Variants in PLEKHA5 observed in about 807,000 individuals in gnomAD.
The protein encoded by PLEKHA5 is pleckstrin homology domain-containing family A member 5.
Under a neutral mutation model 181.9 loss-of-function variants are expected in PLEKHA5, and 55 were observed. The observed-to-expected ratio is 0.30, with a 90% CI of 0.24 to 0.38. PLEKHA5 has a LOEUF of 0.38. Ranked by LOEUF, PLEKHA5 falls within the 10% of genes least tolerant of loss-of-function variation. The probability of loss-of-function intolerance (pLI) is 1.00; values close to 1 mark genes in which losing one functional copy is unlikely to be tolerated. For missense variants in PLEKHA5, 1,432 were observed against 1,549.5 expected, an observed-to-expected ratio of 0.92 and a Z score of 1.27; for synonymous variants, 535 against 529.4, an observed-to-expected ratio of 1.01 and a Z score of -0.15.
Position 19,291,781 on chromosome 12 carries a change from T to C in PLEKHA5, c.2037+84T>C. 3.0e-6 allele frequency: 2 copies of C among 677,140 alleles called. 1 individual carries two copies. The highest frequency in any genetic ancestry group is 3.9e-5 in the South Asian group (2 of 51,274). 41.9% of individuals were successfully genotyped at this position (677,140 alleles called of 1,614,324 possible). Reference sequence around the variant, plus strand: ...ACAGTTTTTCAGGCTTCTCAGCTATTTCAGTCACGTTGAATTAATAACATG... The same window carrying C: ...ACAGTTTTTCAGGCTTCTCAGCTATCTCAGTCACGTTGAATTAATAACATG... On this transcript the variant is annotated intron_variant, in intron 15 of 31. Coordinates refer to ENST00000429027, the MANE Select transcript of PLEKHA5 (RefSeq NM_001256470.2).
intron 3 of PLEKHA5, among the ~76,000 whole-genome samples, chr12:19,216,046 G>A (rs1418494724): frequency 6.6e-6 from 1 of 152,180 alleles, no homozygotes; most frequent in Non-Finnish European, 1.5e-5. Context: ...TAACATTGCT[G>A]TAATTGAACT....
At chr12:19,213,000 C>T (rs1322858291) in intron 3 of PLEKHA5, among the ~76,000 whole-genome samples, 1 of 151,850 alleles carries the variant, frequency 6.6e-6, no homozygotes, top group Non-Finnish European at 1.5e-5. Context: ...CAGACAACTC[C>T]TAATCTACCA....
Position 19,134,668 on chromosome 12 carries a change from T to G in PLEKHA5, c.227+2218T>G, listed in dbSNP as rs141814697. 3.9e-5 allele frequency among the ~76,000 whole-genome samples: 6 copies of G among 152,286 alleles called. No individual in the cohort carries two copies. In the East Asian group the frequency reaches 1.2e-3, roughly 29 times the overall value. On this transcript the variant is annotated intron_variant, in intron 3 of 31. Transcript: ENST00000429027. ...TATCATTCTAATAGGATAGGGGCAC[T>G]ACTTTTATCTTAAACTTTACAATTT...
At chr12:19,220,824 A>G (rs938216300) in intron 3 of PLEKHA5, among the ~76,000 whole-genome samples, 1 of 152,238 alleles carries the variant, frequency 6.6e-6, no homozygotes, top group Non-Finnish European at 1.5e-5. Flanking sequence ...GAAAACAGAC[A>G]ACCCAATTAA....
At chr12:19,266,350 G>A (rs1027611353) in intron 8 of PLEKHA5, among the ~76,000 whole-genome samples, 3 of 151,762 alleles carry the variant, frequency 2.0e-5, no homozygotes, top group East Asian at 3.9e-4. Flanking sequence ...CATACTAGCC[G>A]GGCATGGTGG....
At chr12:19,194,983 C>T (rs543129130) in intron 3 of PLEKHA5, among the ~76,000 whole-genome samples, 18 of 152,138 alleles carry the variant, frequency 1.2e-4, no homozygotes, top group Admixed American at 5.9e-4. Flanking sequence ...AAATAGCTAC[C>T]GTCTATTGGG....
At position 19,348,416 on chromosome 12, in the gene PLEKHA5, C is replaced by T. The variant is rs781225526; in HGVS notation, c.2916C>T (p.Leu972=). The T allele has an allele frequency of 3.2e-6, 5 of 1,586,592 alleles. No individual in the cohort carries two copies. The African/African-American group carries it at 6.8e-5, about 22-fold the overall frequency. The change falls in exon 25 of 32, where the codon CTC becomes CTT. Residue 972 remains leucine (L), a synonymous_variant. Coordinates refer to ENST00000429027, the MANE Select transcript of PLEKHA5 (RefSeq NM_001256470.2). The stretch of plus-strand genomic sequence containing the variant: ...CTTTCAAGGGTCCAGATTATAGACT[C>T]TACAAGAGTGAACCAGAGTTAACAA... ...NGSHCGPDYR[L]YKSEPELTTV... is the part of the protein sequence containing the mutation.
At chr12:19,208,773 G>A (rs1311739697) in intron 3 of PLEKHA5, among the ~76,000 whole-genome samples, 7 of 152,072 alleles carry the variant, frequency 4.6e-5, no homozygotes, top group Non-Finnish European at 1.0e-4. Flanking sequence ...GCCTGAGATG[G>A]GCTAGTTGCT....
intron 3 of PLEKHA5, chr12:19,151,843 AT>A (rs1268528723): frequency 1.4e-5 from 2 of 144,992 alleles, no homozygotes; most frequent in Non-Finnish European, 3.0e-5. Context: ...TCAGGTTAGC[AT>A]TTTCTATTTT....
intron 16 of PLEKHA5, among the ~76,000 whole-genome samples, chr12:19,317,418 C>CATAGTTTTT (rs1207259909): frequency 6.6e-6 from 1 of 150,884 alleles, no homozygotes; most frequent in African/African-American, 2.4e-5. Context: ...ATTTTAGGAC[C>CATAGTTTTT]ATAGTTTTTA....
intron 28 of PLEKHA5, among the ~76,000 whole-genome samples, chr12:19,361,082 T>C (rs2095220422): frequency 6.6e-6 from 1 of 151,688 alleles, no homozygotes; most frequent in Non-Finnish European, 1.5e-5. Flanking sequence ...CAAATAACTT[T>C]TTGCATCCTA....
chr12:19,252,082 T>C (rs2065477779), intron 3 of PLEKHA5, among the ~76,000 whole-genome samples: 1 of 152,220 alleles, frequency 6.6e-6, no homozygotes, highest in Non-Finnish European at 1.5e-5. Context: ...TTAATGATTC[T>C]ACTCTTACAA....
At chr12:19,281,867 G>C (rs967806929) in intron 11 of PLEKHA5, among the ~76,000 whole-genome samples, 2 of 151,706 alleles carry the variant, frequency 1.3e-5, no homozygotes, top group African/African-American at 4.8e-5. Flanking sequence ...CTGCAAGCTC[G>C]GCTTCCTGGG....
At chr12:19,354,374 C>T (rs1223045567) in intron 26 of PLEKHA5, among the ~76,000 whole-genome samples, 10 of 145,802 alleles carry the variant, frequency 6.9e-5, no homozygotes, top group Admixed American at 1.4e-4. Flanking sequence ...AGGATGGTCT[C>T]GATCTCCTGA....
chr12:19,330,581 T>A (rs1359652455), intron 20 of PLEKHA5, among the ~76,000 whole-genome samples: 6 of 141,464 alleles, frequency 4.2e-5, no homozygotes, highest in Non-Finnish European at 6.4e-5. Context: ...TAAAAAAAAA[T>A]TATTTTTTAA....
intron 3 of PLEKHA5, among the ~76,000 whole-genome samples, chr12:19,164,986 G>A (rs2043957489): frequency 6.6e-6 from 1 of 151,856 alleles, no homozygotes; most frequent in South Asian, 2.1e-4. Flanking sequence ...TCTCCTCAAA[G>A]CAAGCAACCA....
intron 3 of PLEKHA5, among the ~76,000 whole-genome samples, chr12:19,197,404 T>C (rs2053076667): frequency 6.6e-6 from 1 of 152,204 alleles, no homozygotes; most frequent in Non-Finnish European, 1.5e-5. Flanking sequence ...GCCTGTCTTT[T>C]TGTTCCCTTT....
chr12:19,343,977 G>A (rs923135223), intron 22 of PLEKHA5, among the ~76,000 whole-genome samples: 16 of 151,984 alleles, frequency 1.1e-4, no homozygotes, highest in Admixed American at 2.0e-4. Context: ...GCTTGAACCC[G>A]GGAGGTGGAG....
intron 6 of PLEKHA5, among the ~76,000 whole-genome samples, chr12:19,258,561 CTT>C (rs71440398): frequency 1.1e-4 from 13 of 123,796 alleles, no homozygotes; most frequent in African/African-American, 3.6e-4. Context: ...TTTTCTTTTT[CTT>C]TTTTTTTTTT....
Sources: allele counts gnomAD v4.1 joint callset (sites outside exome capture counted in the v4.1 genomes callset), GRCh38; gene constraint gnomAD v4.1.1; transcripts MANE v1.5; gene names NCBI Gene and HGNC (gene_info 2026-07-23, HGNC 2026-07-21).